Variants in OCIAD1 observed in about 807,000 individuals in gnomAD.
OCIAD1 encodes the protein OCIA domain-containing protein 1.
In OCIAD1, 29 loss-of-function variants were observed where a neutral mutation model predicts 38.9. The ratio of observed to expected loss-of-function variants is 0.74; its 90% CI spans 0.55 to 1.02. The LOEUF is 1.02. Ranked by LOEUF, OCIAD1 falls within the 50% of genes least tolerant of loss-of-function variation. The pLI is 0.00. For synonymous variants in OCIAD1, 110 were observed against 92.0 expected (o/e 1.20, Z -1.12); for missense variants, 288 against 289.6 (o/e 0.99, Z 0.04).
intron 7 of OCIAD1, among the ~76,000 whole-genome samples, chr4:48,854,947 C>T (rs2109611047): frequency 6.6e-6 from 1 of 152,328 alleles, no homozygotes; most frequent in Non-Finnish European, 1.5e-5. Flanking sequence ...TAAATCAGTG[C>T]CACTTTACAT....
At chr4:48,811,395 G>A (rs1437979736) in intron 1 of OCIAD1, among the ~76,000 whole-genome samples, 4 of 152,260 alleles carry the variant, frequency 2.6e-5, no homozygotes, top group South Asian at 4.1e-4. Context: ...GGCATAGGAG[G>A]CCCTGCAGTC....
Position 48,851,767 on chromosome 4 carries a change from G to T in OCIAD1, c.378-39G>T. The T allele has an allele frequency of 2.6e-6, 3 of 1,174,514 alleles. No homozygotes were observed. In the South Asian group the frequency reaches 3.8e-5, roughly 15 times the overall value. 72.8% of individuals were successfully genotyped at this position (1,174,514 alleles called of 1,614,324 possible). On this transcript the variant is annotated intron_variant, in intron 6 of 8. Transcript: ENST00000264312. Reference sequence around the variant, plus strand: ...AACACTTCTTTAAGATATAGGCAATGACTCATATTTCTTACTACAATATGA... The same window carrying T: ...AACACTTCTTTAAGATATAGGCAATTACTCATATTTCTTACTACAATATGA...
chr4:48,832,302 C>T (rs1232405224), intron 1 of OCIAD1, among the ~76,000 whole-genome samples: 1 of 152,108 alleles, frequency 6.6e-6, no homozygotes, highest in African/African-American at 2.4e-5. Context: ...GTGAAAGAAC[C>T]CACTTCCAGG....
upstream of OCIAD1, among the ~76,000 whole-genome samples, chr4:48,826,898 C>T (rs1220160277): frequency 2.6e-5 from 4 of 152,182 alleles, no homozygotes; most frequent in Non-Finnish European, 5.9e-5. Context: ...AATAAAACTA[C>T]ACTTGCAAAA....
At chr4:48,817,973 C>A (rs1450748878) in intron 1 of OCIAD1, among the ~76,000 whole-genome samples, 1 of 152,142 alleles carries the variant, frequency 6.6e-6, no homozygotes, top group African/African-American at 2.4e-5. Flanking sequence ...TGGTTGTGGG[C>A]GCAGCTTCAG....
At chr4:48,843,562 AATTT>A (rs1375031694) in intron 4 of OCIAD1, among the ~76,000 whole-genome samples, 1 of 152,174 alleles carries the variant, frequency 6.6e-6, no homozygotes, top group Admixed American at 6.6e-5. Context: ...TTGGGGTAAA[AATTT>A]ATTTAAGGAA....
At position 48,811,941 on chromosome 4, in the gene OCIAD1, G is replaced by T. The variant is rs146484754; in HGVS notation, c.-103+6611G>T. On this transcript the variant is annotated intron_variant, in intron 1 of 6. Coordinates refer to the OCIAD1 transcript ENST00000504654. The stretch of plus-strand genomic sequence containing the variant: ...AGTTTGAGATGCAAATTAGATACAT[G>T]TAGGCAGACATATGTGTCTGAAGTT... Among the ~76,000 whole-genome samples the T allele has an allele frequency of 2.8e-3, 432 of 152,180 alleles. 1 individual carries two copies. The highest frequency in any genetic ancestry group is 9.9e-3 in the African/African-American group (413 of 41,512).
intron 3 of OCIAD1, among the ~76,000 whole-genome samples, chr4:48,841,367 TAAAAG>T (rs1174143279): frequency 1.3e-5 from 2 of 152,100 alleles, no homozygotes; most frequent in African/African-American, 4.8e-5. Flanking sequence ...AGCAAAATCA[TAAAAG>T]GAAAGGGAGC....
chr4:48,815,810 A>G (rs768792684), intron 1 of OCIAD1, among the ~76,000 whole-genome samples: 14 of 152,186 alleles, frequency 9.2e-5, no homozygotes, highest in Non-Finnish European at 1.6e-4. Flanking sequence ...TTTGTGGCCA[A>G]GGCATAAATT....
intron 1 of OCIAD1, among the ~76,000 whole-genome samples, chr4:48,822,257 G>C (rs1483296211): frequency 6.6e-6 from 1 of 152,160 alleles, no homozygotes; most frequent in Non-Finnish European, 1.5e-5. Context: ...ACAACCATCT[G>C]ATCTTCAACA....
intron 1 of OCIAD1, among the ~76,000 whole-genome samples, chr4:48,811,261 T>G (rs1339404181): frequency 6.6e-6 from 1 of 152,188 alleles, no homozygotes; most frequent in Admixed American, 6.5e-5. Context: ...ACGTCTTGTT[T>G]CACTTTACTC....
chr4:48,808,489 A>T (rs1039652859), intron 1 of OCIAD1, among the ~76,000 whole-genome samples: 10 of 149,150 alleles, frequency 6.7e-5, no homozygotes, highest in African/African-American at 2.5e-4. Flanking sequence ...AAAAACAAAG[A>T]AAAAAAAAAG....
chr4:48,828,736 G>A (rs186862041), upstream of OCIAD1, among the ~76,000 whole-genome samples: 111 of 152,298 alleles, frequency 7.3e-4, 3 homozygotes, highest in East Asian at 0.015. Context: ...CCCACCAGAA[G>A]GAATAAACTC....
chr4:48,808,934 C>T (rs1246668432), intron 1 of OCIAD1, among the ~76,000 whole-genome samples: 1 of 152,142 alleles, frequency 6.6e-6, no homozygotes, highest in Non-Finnish European at 1.5e-5. Flanking sequence ...CATTCTTGTC[C>T]TCTTCCTCTT....
chr4:48,859,212 T>C (rs1780381479), intron 8 of OCIAD1, among the ~76,000 whole-genome samples: 1 of 117,814 alleles, frequency 8.5e-6, no homozygotes, highest in South Asian at 3.1e-4. Context: ...CTGCATCATA[T>C]TATTGATGTA....
At position 48,860,882 on chromosome 4, in the gene OCIAD1, G is replaced by A; in HGVS notation, c.*120G>A. On this transcript the variant is annotated 3_prime_UTR_variant, in exon 9 of 9. Transcript: ENST00000264312. ...ATAAACACATTTAAAACAAGATCCTGGGTTTTTGTGGTTTGACTTCTATGG... is the reference window on the plus strand; with the variant it reads ...ATAAACACATTTAAAACAAGATCCTAGGTTTTTGTGGTTTGACTTCTATGG... 1 of 745,760 alleles carries A rather than the reference G, an allele frequency of 1.3e-6. No homozygotes were observed. The highest frequency in any genetic ancestry group is 1.7e-5 in the South Asian group (1 of 59,306). 46.2% of individuals were successfully genotyped at this position (745,760 alleles called of 1,614,324 possible).
intron 8 of OCIAD1, among the ~76,000 whole-genome samples, chr4:48,859,611 ATG>A (rs1418271214): frequency 6.6e-6 from 1 of 152,310 alleles, no homozygotes; most frequent in East Asian, 1.9e-4. Flanking sequence ...TGACACAAGA[ATG>A]TGAAATGATT....
intron 1 of OCIAD1, among the ~76,000 whole-genome samples, chr4:48,819,741 AAAAG>A (rs1302870388): frequency 6.8e-6 from 1 of 147,322 alleles, no homozygotes; most frequent in Non-Finnish European, 1.5e-5. Context: ...AAAAAAAAAA[AAAAG>A]GAGGGGTTGC....
chr4:48,826,971 A>C (rs1403925367), upstream of OCIAD1, among the ~76,000 whole-genome samples: 1 of 152,164 alleles, frequency 6.6e-6, no homozygotes, highest in Non-Finnish European at 1.5e-5. Context: ...CCAGCATTTG[A>C]TATAATTGAC....
Sources: gnomAD v4.1 joint callset for allele counts (sites outside exome capture counted in the v4.1 genomes callset) on GRCh38, gnomAD v4.1.1 for gene constraint, MANE v1.5 for transcripts, NCBI Gene and HGNC (gene_info 2026-07-23, HGNC 2026-07-21) for gene names.